The following HEPHL1 variants were observed in gnomAD, a reference collection of about 807,000 sequenced individuals.
The protein encoded by HEPHL1 is ferroxidase HEPHL1.
In HEPHL1, 123 loss-of-function variants were observed where a neutral mutation model predicts 122.0. That is an observed-to-expected ratio of 1.01 (90% CI 0.87 to 1.17). The LOEUF (loss-of-function observed/expected upper bound fraction) is 1.17. Ranked by LOEUF, HEPHL1 falls within the 50% of genes most tolerant of loss-of-function variation. The pLI is 0.00. For missense variants in HEPHL1, 1,452 were observed against 1,430.5 expected (o/e 1.01, Z -0.24); for synonymous variants, 527 against 508.9 (o/e 1.04, Z -0.48).
intron 2 of HEPHL1, among the ~76,000 whole-genome samples, chr11:94,059,964 T>C (rs987827175): frequency 6.6e-6 from 1 of 151,818 alleles, no homozygotes; most frequent in African/African-American, 2.4e-5. Flanking sequence ...GCTTACCCAC[T>C]CTCACTCAAC....
chr11:94,048,639 G>A (rs928523453), intron 2 of HEPHL1, among the ~76,000 whole-genome samples: 1 of 152,076 alleles, frequency 6.6e-6, no homozygotes, highest in Non-Finnish European at 1.5e-5. Flanking sequence ...AGGGATAACA[G>A]TAATGAGCCA....
At chr11:94,096,985 A>C (rs887554710) in intron 13 of HEPHL1, among the ~76,000 whole-genome samples, 1 of 151,944 alleles carries the variant, frequency 6.6e-6, no homozygotes, top group African/African-American at 2.4e-5. Context: ...GGATTCATTG[A>C]TTTTTTGAAG....
intron 2 of HEPHL1, among the ~76,000 whole-genome samples, chr11:94,060,583 C>A (rs1191132242): frequency 2.0e-5 from 3 of 151,982 alleles, no homozygotes; most frequent in Non-Finnish European, 4.4e-5. Context: ...AGGAAATTGC[C>A]CAAGCTGCAT....
intron 15 of HEPHL1, among the ~76,000 whole-genome samples, chr11:94,103,600 G>A (rs1324497641): frequency 2.0e-5 from 3 of 152,092 alleles, no homozygotes; most frequent in Non-Finnish European, 4.4e-5. Context: ...GAAATAAAAG[G>A]CAAAGATTCA....
At chr11:94,061,342 A>G (rs1331707309) in intron 2 of HEPHL1, among the ~76,000 whole-genome samples, 1 of 151,982 alleles carries the variant, frequency 6.6e-6, no homozygotes, top group African/African-American at 2.4e-5. Context: ...GATGAGTGCT[A>G]TCAGCTGAGG....
At chr11:94,047,132 G>A (rs1353330674) in intron 2 of HEPHL1, among the ~76,000 whole-genome samples, 1 of 152,248 alleles carries the variant, frequency 6.6e-6, no homozygotes, top group East Asian at 1.9e-4. Context: ...GTTCTTAGTT[G>A]TTGAGGATGA....
rs2134457978 is a variant in HEPHL1 at position 94,112,732 on chromosome 11, G to A, written c.*838G>A. On this transcript the variant is annotated 3_prime_UTR_variant, in exon 20 of 20. Coordinates refer to ENST00000315765, the MANE Select transcript of HEPHL1 (RefSeq NM_001098672.2). Reference sequence around the variant, plus strand: ...GTTAGGCTCTCCCTTTATGAATCAGGGACTCCCTGAGAGTTTAGAGCAAGC... The same window carrying A: ...GTTAGGCTCTCCCTTTATGAATCAGAGACTCCCTGAGAGTTTAGAGCAAGC... 1 of 152,306 alleles carries A rather than the reference G, an allele frequency of 6.6e-6. No homozygotes were observed. The highest frequency in any genetic ancestry group is 2.1e-4 in the South Asian group (1 of 4,822). 9.4% of individuals were successfully genotyped at this position (152,306 alleles called of 1,614,324 possible). A position where few individuals can be genotyped will look rare whatever the true frequency, so the allele number is the denominator to read the frequency against.
At chr11:94,023,043 A>G (rs1945595004) in intron 1 of HEPHL1, among the ~76,000 whole-genome samples, 1 of 152,182 alleles carries the variant, frequency 6.6e-6, no homozygotes, top group Non-Finnish European at 1.5e-5. Context: ...TGACCCAAAA[A>G]TTCTATGAGG....
At chr11:94,085,912 A>G in intron 10 of HEPHL1, 65 bp from the exon 11 acceptor site, 13 of 1,132,584 alleles carry the variant, frequency 1.1e-5, no homozygotes, top group African/African-American at 1.5e-5. Flanking sequence ...AACAGTTTAC[A>G]TATTTGAAGC....
At position 94,112,094 on chromosome 11, in the gene HEPHL1, A is replaced by T; in HGVS notation, c.*200A>T. On this transcript the variant is annotated 3_prime_UTR_variant, in exon 20 of 20. Coordinates refer to ENST00000315765, the MANE Select transcript of HEPHL1 (RefSeq NM_001098672.2). ...TTTAAATGGGCTGCGAATAATCCTCAGGTATAAAACACAGAAAAAGGAGAA... is the reference window on the plus strand; with the variant it reads ...TTTAAATGGGCTGCGAATAATCCTCTGGTATAAAACACAGAAAAAGGAGAA... 2.4e-6 allele frequency: 1 copy of T among 409,302 alleles called. No homozygotes were observed. Among genetic ancestry groups the T allele is most frequent in the Non-Finnish European group, 4.3e-6 (1 of 232,772 alleles). 25.4% of individuals were successfully genotyped at this position (409,302 alleles called of 1,614,324 possible). A position where few individuals can be genotyped will look rare whatever the true frequency, so the allele number is the denominator to read the frequency against.
At chr11:94,097,961 CTT>C (rs139732094) in intron 13 of HEPHL1, among the ~76,000 whole-genome samples, 16,731 of 152,130 alleles carry the variant, frequency 0.11, 947 homozygotes, top group Admixed American at 0.14. Context: ...GGTCTTGACT[CTT>C]TATCCAATTT....
chr11:94,048,893 G>A (rs1423811076), intron 2 of HEPHL1, among the ~76,000 whole-genome samples: 1 of 152,118 alleles, frequency 6.6e-6, no homozygotes, highest in Non-Finnish European at 1.5e-5. Context: ...GGCCGAGGTG[G>A]GTGGATCACC....
At chr11:94,036,417 A>G (rs1039427797) in intron 1 of HEPHL1, among the ~76,000 whole-genome samples, 2 of 152,170 alleles carry the variant, frequency 1.3e-5, no homozygotes, top group Non-Finnish European at 1.5e-5. Context: ...GCTGTGCCCT[A>G]TGCTGAGAGG....
At chr11:94,054,988 C>T (rs113334051) in intron 2 of HEPHL1, 2,980 of 153,412 alleles carry the variant, frequency 0.019, 33 homozygotes, top group Non-Finnish European at 0.029. Context: ...GGCTGTGGCC[C>T]AGTTGGCTTG....
chr11:94,059,364 A>G (rs1226346286), intron 2 of HEPHL1, among the ~76,000 whole-genome samples: 1 of 152,158 alleles, frequency 6.6e-6, no homozygotes, highest in African/African-American at 2.4e-5. Flanking sequence ...ACAATACATT[A>G]TTACAAATAA....
chr11:94,082,316 T>G, intron 9 of HEPHL1, 102 bp from the exon 10 acceptor site: 1 of 750,500 alleles, frequency 1.3e-6, no homozygotes, highest in Non-Finnish European at 2.0e-6. Context: ...GATGTTGATC[T>G]GCCCTGACTT....
chr11:94,068,750 T>A (rs1170892912), intron 5 of HEPHL1, among the ~76,000 whole-genome samples: 1 of 152,144 alleles, frequency 6.6e-6, no homozygotes, highest in Non-Finnish European at 1.5e-5. Flanking sequence ...TTAAGAAGCA[T>A]TTGACAGTGT....
chr11:94,086,028 G>A lies in HEPHL1; in HGVS notation c.1919G>A (p.Arg640Lys). ...CAGCCAGGCTTAAACATGTGTAAAAGGGATAGAGTTTCCTGGCATCTGATT... is the reference window on the plus strand; with the variant it reads ...CAGCCAGGCTTAAACATGTGTAAAAAGGATAGAGTTTCCTGGCATCTGATT... ...GNQPGLNMCK[R>K]DRVSWHLIGL... The change falls in exon 11 of 20, where the codon AGG (arginine) becomes AAG (lysine). Residue 640 changes from arginine (R) to lysine (K), a missense_variant. Arg to Lys is a conservative substitution (Grantham distance 26, BLOSUM62 2). Transcript: ENST00000315765. 1 of 1,613,932 alleles carries A rather than the reference G, an allele frequency of 6.2e-7. No homozygotes were observed. Among genetic ancestry groups the A allele is most frequent in the East Asian group, 2.2e-5 (1 of 44,866 alleles).
At chr11:94,094,542 T>C (rs182137883) in intron 13 of HEPHL1, among the ~76,000 whole-genome samples, 1 of 152,344 alleles carries the variant, frequency 6.6e-6, no homozygotes, top group East Asian at 1.9e-4. Context: ...TCAAATGGTA[T>C]TTCTAGTTCT....
Sources: gnomAD v4.1 joint callset for allele counts (sites outside exome capture counted in the v4.1 genomes callset) on GRCh38, gnomAD v4.1.1 for gene constraint, MANE v1.5 for transcripts, NCBI Gene and HGNC (gene_info 2026-07-23, HGNC 2026-07-21) for gene names.